PCDHA2: variants seen among roughly 807,000 people sequenced by gnomAD.
The protein encoded by PCDHA2 is protocadherin alpha-2.
A neutral mutation model predicts 66.0 loss-of-function variants in PCDHA2; 58 were observed. That is an observed-to-expected ratio of 0.88 (90% CI 0.71 to 1.09). The LOEUF (loss-of-function observed/expected upper bound fraction) is 1.09. PCDHA2 is among the 50% of genes least tolerant of loss of function. The probability of loss-of-function intolerance (pLI) is 0.00; values close to 1 mark genes in which losing one functional copy is unlikely to be tolerated. For synonymous variants in PCDHA2, 634 were observed against 554.0 expected, an observed-to-expected ratio of 1.14 and a Z score of -2.03; for missense variants, 1,267 against 1,242.3, an observed-to-expected ratio of 1.02 and a Z score of -0.30.
intron 3 of PCDHA2, among the ~76,000 whole-genome samples, chr5:141,006,716 C>T (rs904868679): frequency 2.0e-5 from 3 of 151,786 alleles, no homozygotes; most frequent in Non-Finnish European, 2.9e-5. Flanking sequence ...ATTTAGGAGG[C>T]AGAAATGACA....
intron 1 of PCDHA2, chr5:140,824,437 G>T: frequency 2.1e-6 from 1 of 479,118 alleles, no homozygotes. Flanking sequence ...CAAAGTTTCA[G>T]TTTATGACTA....
chr5:140,998,690 A>G (rs1310258939), intron 3 of PCDHA2, among the ~76,000 whole-genome samples: 1 of 151,696 alleles, frequency 6.6e-6, no homozygotes, highest in Non-Finnish European at 1.5e-5. Flanking sequence ...TCAGCCTCCC[A>G]AGTAGCTGGG....
intron 1 of PCDHA2, among the ~76,000 whole-genome samples, chr5:140,959,960 T>C (rs1236536895): frequency 6.6e-6 from 1 of 152,124 alleles, no homozygotes; most frequent in Non-Finnish European, 1.5e-5. Context: ...AGGTAGGAGG[T>C]AGATGTTACT....
At chr5:140,801,909 A>G in intron 1 of PCDHA2, 1 of 1,614,204 alleles carries the variant, frequency 6.2e-7, no homozygotes, top group Non-Finnish European at 8.5e-7. Flanking sequence ...TGTAAACGAC[A>G]ACGCCCCAGC....
At chr5:140,924,839 G>A (rs1049952478) in intron 1 of PCDHA2, among the ~76,000 whole-genome samples, 3 of 150,922 alleles carry the variant, frequency 2.0e-5, no homozygotes, top group Non-Finnish European at 4.4e-5. Context: ...AGGTTGCAGG[G>A]AGCTCAGATC....
At chr5:140,920,910 A>C (rs2153559145) in intron 1 of PCDHA2, among the ~76,000 whole-genome samples, 1 of 151,920 alleles carries the variant, frequency 6.6e-6, no homozygotes, top group East Asian at 1.9e-4. Context: ...TTCTCAAATC[A>C]GTTCCAAGAG....
intron 1 of PCDHA2, among the ~76,000 whole-genome samples, chr5:140,948,492 A>G (rs915795889): frequency 4.0e-5 from 6 of 151,594 alleles, no homozygotes; most frequent in Non-Finnish European, 8.9e-5. Flanking sequence ...AATTTCTTTC[A>G]TAGACTTTCT....
At chr5:140,939,262 T>G (rs1371349789) in intron 1 of PCDHA2, among the ~76,000 whole-genome samples, 1 of 152,146 alleles carries the variant, frequency 6.6e-6, no homozygotes, top group Non-Finnish European at 1.5e-5. Context: ...GGAACCTCTT[T>G]TATGAGAGCT....
At chr5:140,921,834 A>G (rs2080429595) in intron 1 of PCDHA2, among the ~76,000 whole-genome samples, 1 of 152,142 alleles carries the variant, frequency 6.6e-6, no homozygotes, top group Non-Finnish European at 1.5e-5. Context: ...ATACACATAT[A>G]GACATATTTA....
intron 1 of PCDHA2, chr5:140,822,711 T>C: frequency 2.5e-6 from 4 of 1,610,926 alleles, no homozygotes; most frequent in Non-Finnish European, 3.4e-6. Flanking sequence ...ATGAAGACTA[T>C]AACTCATATG....
intron 1 of PCDHA2, among the ~76,000 whole-genome samples, chr5:140,902,253 G>T (rs1170626795): frequency 1.4e-5 from 2 of 144,500 alleles, no homozygotes; most frequent in Non-Finnish European, 3.0e-5. Flanking sequence ...GCCCAGGCTG[G>T]TCTCGAACTC....
chr5:140,795,805 C>T lies in PCDHA2; in HGVS notation c.841C>T (p.Leu281Phe), dbSNP rs1165165877. 3 of 1,613,490 alleles carry T rather than the reference C, an allele frequency of 1.9e-6. No individual in the cohort carries two copies. The highest frequency in any genetic ancestry group is 2.5e-6 in the Non-Finnish European group (3 of 1,179,736). The change falls in exon 1 of 4, where the codon CTC becomes TTC. Residue 281 changes from leucine to phenylalanine, a missense_variant. Transcript: ENST00000526136. ...EGPNSEIVYS[L>F]GSDVSSTIQT... ...ACCGAACAGCGAGATTGTGTATTCA[C>T]TCGGTAGTGATGTGTCCTCCACTAT...
At chr5:140,995,687 G>C (rs983290111) in intron 3 of PCDHA2, among the ~76,000 whole-genome samples, 3 of 152,062 alleles carry the variant, frequency 2.0e-5, no homozygotes, top group Admixed American at 6.5e-5. Context: ...TTTTTTAATT[G>C]TTAAATAAAG....
chr5:140,890,056 C>T (rs2062472126), intron 1 of PCDHA2, among the ~76,000 whole-genome samples: 1 of 152,124 alleles, frequency 6.6e-6, no homozygotes, highest in African/African-American at 2.4e-5. Flanking sequence ...GGAGCTGGCT[C>T]TTTTACTGGC....
Position 140,884,512 on chromosome 5 carries a change from G to A in PCDHA2, c.2388+87160G>A, listed in dbSNP as rs782026771. 4.3e-5 allele frequency: 70 copies of A among 1,614,202 alleles called. No individual in the cohort carries two copies. The Middle Eastern group carries it at 4.9e-4, about 11-fold the overall frequency. ...TGTGCTCCAGCGCGGCAGGGAGTTG[G>A]TCGTACTCGCAGCAGAGGCGGCCGA... is the stretch of plus-strand genomic sequence containing the variant. On this transcript the variant is annotated intron_variant, in intron 1 of 3. Transcript: ENST00000526136.
chr5:140,884,403 T>A, intron 1 of PCDHA2: 1 of 1,613,992 alleles, frequency 6.2e-7, no homozygotes, highest in Middle Eastern at 1.6e-4. Context: ...AGCCTGTTGG[T>A]GCTCACGTTG....
At chr5:140,942,311 G>A (rs781987580) in intron 1 of PCDHA2, among the ~76,000 whole-genome samples, 1 of 152,004 alleles carries the variant, frequency 6.6e-6, no homozygotes, top group Non-Finnish European at 1.5e-5. Flanking sequence ...TTGGGAGGTC[G>A]AGGCACAAGA....
At chr5:140,923,630 G>T (rs1278599561) in intron 1 of PCDHA2, among the ~76,000 whole-genome samples, 1 of 152,106 alleles carries the variant, frequency 6.6e-6, no homozygotes, top group Admixed American at 6.5e-5. Flanking sequence ...TATCCAAAAG[G>T]CAAAAATCTT....
Position 140,799,926 on chromosome 5 carries a change from A to G in PCDHA2, c.2388+2574A>G, listed in dbSNP as rs926608036. The stretch of plus-strand genomic sequence containing the variant: ...AATGCGGCGAGAATTCATGCTTCTC[A>G]TTGAATTCACAGATATCTTTAGAAT... On this transcript the variant is annotated intron_variant, in intron 1 of 3. Transcript: ENST00000526136. Among the ~76,000 whole-genome samples, 8 of 152,236 alleles carry G rather than the reference A, an allele frequency of 5.3e-5. No homozygotes were observed. The East Asian group carries it at 1.5e-3, about 29-fold the overall frequency.
Sources: allele counts gnomAD v4.1 joint callset (sites outside exome capture counted in the v4.1 genomes callset), GRCh38; gene constraint gnomAD v4.1.1; transcripts MANE v1.5; gene names NCBI Gene and HGNC (gene_info 2026-07-23, HGNC 2026-07-21).